The following PSG1 variants were observed in gnomAD, a reference collection of about 807,000 sequenced individuals.
PSG1 encodes pregnancy-specific beta-1-glycoprotein 1.
Under a neutral mutation model 41.4 loss-of-function variants are expected in PSG1, and 60 were observed. That is an observed-to-expected ratio of 1.45 (90% confidence interval 1.18 to 1.80). The LOEUF is 1.80. PSG1 is among the 40% of genes most tolerant of loss of function. PSG1 has a pLI of 0.00. For synonymous variants in PSG1, 256 were observed against 192.9 expected (o/e 1.33, Z -2.71); for missense variants, 806 against 516.9 (o/e 1.56, Z -5.42).
intron 2 of PSG1, among the ~76,000 whole-genome samples, chr19:42,875,257 C>T (rs1405047941): frequency 6.6e-6 from 1 of 151,722 alleles, no homozygotes; most frequent in African/African-American, 2.4e-5. Flanking sequence ...ATAATAGTTC[C>T]TCCATAAAAC....
chr19:42,870,289 C>A (rs1490281204), intron 3 of PSG1: 1 of 151,726 alleles, frequency 6.6e-6, no homozygotes, highest in Admixed American at 6.6e-5. Flanking sequence ...TTTAGCATCC[C>A]AAATCTGAAA....
intron 3 of PSG1, chr19:42,870,289 C>G (rs1490281204): frequency 6.6e-6 from 1 of 151,726 alleles, no homozygotes; most frequent in Non-Finnish European, 1.5e-5. Flanking sequence ...TTTAGCATCC[C>G]AAATCTGAAA....
chr19:42,878,232 C>G lies in PSG1; in HGVS notation c.111G>C (p.Thr37=). The G allele has an allele frequency of 6.2e-7, 1 of 1,610,858 alleles. No homozygotes were observed. Among genetic ancestry groups the G allele is most frequent in the Non-Finnish European group, 8.5e-7 (1 of 1,178,664 alleles). ...AAACTTTGGTTGGCTCGGCTTCAAT[C>G]GTGACTTGGGCAGTGGTGGGCAGGT... ...FWNLPTTAQV[T]IEAEPTKVSE... Residue 37 remains threonine (T), a synonymous_variant, in exon 2 of 6, where the codon ACG becomes ACC. Coordinates refer to ENST00000436291, the MANE Select transcript of PSG1 (RefSeq NM_001184825.2).
In PSG1 at chr19:42,872,027, G is replaced by C. The variant is rs750105554; in HGVS notation, c.449C>G (p.Ser150Cys). 5.0e-6 allele frequency: 8 copies of C among 1,611,954 alleles called. 1 individual carries two copies. The highest frequency in any genetic ancestry group is 3.3e-5 in the Admixed American group (2 of 59,828). The change falls in exon 3 of 6, where the codon TCC (serine) becomes TGC (cysteine). Residue 150 changes from serine to cysteine, a missense_variant. Coordinates refer to ENST00000436291, the MANE Select transcript of PSG1 (RefSeq NM_001184825.2). ...GGGATTTAAGTTGCTGCTGGAGATG[G>C]AGGGCTTAGGAGTCTCCACTGTGCA... is the stretch of plus-strand genomic sequence containing the variant. ...FTLHLETPKP[S>C]ISSSNLNPRE...
At chr19:42,867,376 G>T (rs1353011039) in intron 5 of PSG1, 1 of 582,494 alleles carries the variant, frequency 1.7e-6, no homozygotes, top group Non-Finnish European at 3.0e-6. Context: ...GACCATGTAG[G>T]CTGTCTTCTA....
chr19:42,872,364 G>A (rs1485625815), intron 2 of PSG1, among the ~76,000 whole-genome samples: 1 of 151,602 alleles, frequency 6.6e-6, no homozygotes, highest in Non-Finnish European at 1.5e-5. Flanking sequence ...TGCCTGCCTG[G>A]CCCACCTTGT....
rs1404149789 is a variant in PSG1, at chr19:42,878,078, T to G, written c.265A>C (p.Ile89Leu). ...ITSYVVDGEI[I>L]IYGPAYSGRE... Reference sequence around the variant, plus strand: ...CCACTATATGCAGGCCCATATATAATTATTTCACCGTCTACTACATATGAT... The same window carrying G: ...CCACTATATGCAGGCCCATATATAAGTATTTCACCGTCTACTACATATGAT... The change falls in exon 2 of 6, where the codon ATT (isoleucine) becomes CTT (leucine). Residue 89 changes from isoleucine to leucine, a missense_variant. Ile to Leu is a conservative substitution (Grantham distance 5). Transcript: ENST00000436291. The G allele has an allele frequency of 3.1e-6, 5 of 1,612,202 alleles. 1 individual carries two copies. The highest frequency in any genetic ancestry group is 4.5e-5 in the East Asian group (2 of 44,798).
chr19:42,876,224 CAGAG>C (rs1263693347), intron 2 of PSG1, among the ~76,000 whole-genome samples: 2 of 151,450 alleles, frequency 1.3e-5, no homozygotes, highest in South Asian at 2.1e-4. Flanking sequence ...CACAGAGAAG[CAGAG>C]AGAGGCAGAT....
chr19:42,868,471 C>G (rs1384107551), intron 4 of PSG1, 116 bp from the exon 5 acceptor site: 8 of 1,480,114 alleles, frequency 5.4e-6, no homozygotes, highest in South Asian at 2.7e-5. Flanking sequence ...AGTCCCAGCC[C>G]AACCCCCTCT....
rs537686132 is a variant in PSG1, at chr19:42,873,861, G to T, written c.431-1816C>A. Among the ~76,000 whole-genome samples the T allele has an allele frequency of 2.5e-4, 37 of 150,640 alleles. 1 individual carries two copies. Among genetic ancestry groups the T allele is most frequent in the Non-Finnish European group, 5.1e-4 (34 of 67,196 alleles). On this transcript the variant is annotated intron_variant, in intron 2 of 5. Transcript: ENST00000436291. Reference sequence around the variant, plus strand: ...AAAAATGGGGAGGACCTCAAAACAGGTATGTGAAATGCTTTCTTCATTTTC... The same window carrying T: ...AAAAATGGGGAGGACCTCAAAACAGTTATGTGAAATGCTTTCTTCATTTTC...
Position 42,878,951 on chromosome 19 carries a change from A to T in PSG1, c.64+567T>A, listed in dbSNP as rs570893889. ...CCTGCCCTGTTTATATTTTTATTTG[A>T]GGTGTCATCTGCTATAGTTATTATT... is the stretch of plus-strand genomic sequence containing the variant. On this transcript the variant is annotated intron_variant, in intron 1 of 5. Coordinates refer to ENST00000436291, the MANE Select transcript of PSG1 (RefSeq NM_001184825.2). Among the ~76,000 whole-genome samples the T allele has an allele frequency of 7.5e-4, 114 of 150,994 alleles. 2 individuals carry two copies. The highest frequency in any genetic ancestry group is 6.9e-3 in the Middle Eastern group (2 of 290).
Position 42,871,923 on chromosome 19 carries a change from G to A in PSG1, c.553C>T (p.Gln185Ter), listed in dbSNP as rs755328088. The A allele has an allele frequency of 1.9e-6, 3 of 1,612,466 alleles. No homozygotes were observed. Among genetic ancestry groups the A allele is most frequent in the Admixed American group, 1.7e-5 (1 of 59,888 alleles). ...AAGCTGTGAGTCATAGGGAGGCTCT[G>A]ACCATTCATCCACCACAGGTAGCTT... ...DASYLWWMNG[Q>*]SLPMTHSLKL... Residue 185 changes from glutamine to a stop codon, truncating the protein, a stop_gained, in exon 3 of 6, where the codon CAG (glutamine) becomes TAG (stop). Coordinates refer to ENST00000436291, the MANE Select transcript of PSG1 (RefSeq NM_001184825.2). LOFTEE classifies it high-confidence loss of function.
intron 2 of PSG1, 69 bp from the exon 3 acceptor site, chr19:42,872,114 C>A (rs1351403303): frequency 1.3e-6 from 2 of 1,552,448 alleles, no homozygotes; most frequent in African/African-American, 2.8e-5. Context: ...ATTTTTCAAT[C>A]AGAATTGGCA....
intron 1 of PSG1, among the ~76,000 whole-genome samples, chr19:42,878,718 C>T (rs1190008223): frequency 6.7e-6 from 1 of 149,532 alleles, no homozygotes; most frequent in Admixed American, 6.7e-5. Flanking sequence ...CAACACCTGA[C>T]CTCACATTCT....
chr19:42,870,500 G>C (rs959204815), intron 3 of PSG1: 18 of 151,704 alleles, frequency 1.2e-4, no homozygotes, highest in Non-Finnish European at 2.4e-4. Context: ...TGTGAGAAAG[G>C]CTGATTGCTA....
At chr19:42,873,319 G>T (rs900519435) in intron 2 of PSG1, among the ~76,000 whole-genome samples, 14 of 151,646 alleles carry the variant, frequency 9.2e-5, no homozygotes, top group Admixed American at 4.6e-4. Context: ...AATCCACAAT[G>T]CGCCAGTGAG....
Position 42,879,629 on chromosome 19 carries a change from C to A in PSG1, c.-48G>T, listed in dbSNP as rs754234023. Reference sequence around the variant, plus strand: ...TCCTCTGTGGAGATAAGCCTAGGATCCAGAAACTCTCTGAGCACGGCTGTC... The same window carrying A: ...TCCTCTGTGGAGATAAGCCTAGGATACAGAAACTCTCTGAGCACGGCTGTC... On this transcript the variant is annotated 5_prime_UTR_variant, in exon 1 of 6. Transcript: ENST00000436291. 2 of 1,603,550 alleles carry A rather than the reference C, an allele frequency of 1.2e-6. No homozygotes were observed. The highest frequency in any genetic ancestry group is 3.4e-5 in the Admixed American group (2 of 59,530).
chr19:42,873,781 T>C (rs886392989), intron 2 of PSG1, among the ~76,000 whole-genome samples: 5 of 151,610 alleles, frequency 3.3e-5, no homozygotes, highest in African/African-American at 1.2e-4. Context: ...TGATGTGTGT[T>C]ATGTTAGTAA....
At chr19:42,872,365 C>T (rs1971430431) in intron 2 of PSG1, among the ~76,000 whole-genome samples, 1 of 151,564 alleles carries the variant, frequency 6.6e-6, no homozygotes, top group Non-Finnish European at 1.5e-5. Context: ...GCCTGCCTGG[C>T]CCACCTTGTG....
Sources: gnomAD v4.1 joint callset for allele counts (sites outside exome capture counted in the v4.1 genomes callset) on GRCh38, gnomAD v4.1.1 for gene constraint, MANE v1.5 for transcripts, NCBI Gene and HGNC (gene_info 2026-07-23, HGNC 2026-07-21) for gene names.